PDE7A: variants seen among roughly 807,000 people sequenced by gnomAD.
PDE7A encodes the protein high affinity 3',5'-cyclic-AMP phosphodiesterase 7A.
A neutral mutation model predicts 64.3 loss-of-function variants in PDE7A; 39 were observed. That is an observed-to-expected ratio of 0.61 (90% confidence interval 0.47 to 0.79). The LOEUF (loss-of-function observed/expected upper bound fraction) is 0.79, where lower values mean the gene tolerates loss of function less well. PDE7A is among the 30% of genes least tolerant of loss of function. The pLI, the probability that PDE7A is intolerant of heterozygous loss-of-function variation, is 0.00. For synonymous variants in PDE7A, 203 were observed against 206.8 expected, an observed-to-expected ratio of 0.98 and a Z score of 0.16; for missense variants, 470 against 582.8, an observed-to-expected ratio of 0.81 and a Z score of 1.99.
intron 1 of PDE7A, among the ~76,000 whole-genome samples, chr8:65,837,029 C>A (rs1290443628): frequency 6.6e-6 from 1 of 152,218 alleles, no homozygotes; most frequent in Admixed American, 6.5e-5. Context: ...TTTAGGCATA[C>A]ATGCCTTATC....
At chr8:65,757,366 T>C (rs1808281482) in intron 3 of PDE7A, among the ~76,000 whole-genome samples, 1 of 152,124 alleles carries the variant, frequency 6.6e-6, no homozygotes, top group Non-Finnish European at 1.5e-5. Flanking sequence ...CATCCCCTGG[T>C]TTTCATACAT....
intron 1 of PDE7A, among the ~76,000 whole-genome samples, chr8:65,784,266 T>C (rs575405252): frequency 1.3e-5 from 2 of 152,022 alleles, no homozygotes; most frequent in African/African-American, 4.8e-5. Flanking sequence ...TAGTGTGACA[T>C]TGCAAAGAAA....
intron 1 of PDE7A, among the ~76,000 whole-genome samples, chr8:65,831,323 A>G (rs1429881799): frequency 3.3e-5 from 5 of 152,162 alleles, no homozygotes; most frequent in Non-Finnish European, 5.9e-5. Context: ...TTGTTTTTGA[A>G]AGAAGAAAGA....
At chr8:65,832,133 T>C (rs1446261621) in intron 1 of PDE7A, among the ~76,000 whole-genome samples, 1 of 152,222 alleles carries the variant, frequency 6.6e-6, no homozygotes, top group African/African-American at 2.4e-5. Flanking sequence ...ATTTCTTCCA[T>C]GTGATTAAAG....
Position 65,719,367 on chromosome 8 carries a change from G to C in PDE7A, c.1372C>G (p.Gln458Glu), listed in dbSNP as rs373589641. The C allele has an allele frequency of 6.2e-7, 1 of 1,613,898 alleles. No individual in the cohort carries two copies. Among genetic ancestry groups the C allele is most frequent in the Non-Finnish European group, 8.5e-7 (1 of 1,179,878 alleles). Reference sequence around the variant, plus strand: ...GCATCAGTGTCCTCACTGCTCGACTGTTCTCTCTGCAGTCCCTTCCAGCTG... The same window carrying C: ...GCATCAGTGTCCTCACTGCTCGACTCTTCTCTCTGCAGTCCCTTCCAGCTG... ...KASWKGLQRE[Q>E]SSSEDTDAAF... is the part of the protein sequence containing the mutation. Residue 458 changes from glutamine to glutamate, a missense_variant, in exon 13 of 13, where the codon CAG becomes GAG. Coordinates refer to ENST00000401827, the MANE Select transcript of PDE7A (RefSeq NM_001242318.3).
intron 1 of PDE7A, among the ~76,000 whole-genome samples, chr8:65,806,193 G>A (rs1285667170): frequency 6.6e-6 from 1 of 152,132 alleles, no homozygotes; most frequent in Admixed American, 6.5e-5. Context: ...ACAATCATTT[G>A]AAGTAAATGC....
rs1806234902 is a variant in PDE7A at position 65,718,467 on chromosome 8, A to G, written c.*823T>C. ...CACCTTTTTCTCGCATGTGCAGGTC[A>G]AGTGTACAGTAGTGAAAACAACATG... On this transcript the variant is annotated 3_prime_UTR_variant, in exon 13 of 13. Transcript: ENST00000401827. 6.6e-6 allele frequency: 1 copy of G among 152,238 alleles called. No homozygotes were observed. The highest frequency in any genetic ancestry group is 1.5e-5 in the Non-Finnish European group (1 of 68,052). The allele number at this position is 152,238 out of a possible 1,614,324, so 9.4% of individuals were successfully genotyped here. A position where few individuals can be genotyped will look rare whatever the true frequency, so the allele number is the denominator to read the frequency against.
At chr8:65,789,964 G>A (rs550572334) in intron 1 of PDE7A, among the ~76,000 whole-genome samples, 10 of 152,332 alleles carry the variant, frequency 6.6e-5, no homozygotes, top group African/African-American at 2.4e-4. Context: ...TAACAAATGC[G>A]ATGAAGCAGA....
At chr8:65,831,282 C>T (rs1028868025) in intron 1 of PDE7A, among the ~76,000 whole-genome samples, 2 of 152,128 alleles carry the variant, frequency 1.3e-5, no homozygotes, top group Admixed American at 1.3e-4. Context: ...TCGAAGTAAA[C>T]TTATCTACCC....
At position 65,718,208 on chromosome 8, in the gene PDE7A, TA is replaced by T. The variant is rs1440955601; in HGVS notation, c.*1081del. The T allele has an allele frequency of 6.6e-6, 1 of 152,140 alleles. No homozygotes were observed. Among genetic ancestry groups the T allele is most frequent in the Non-Finnish European group, 1.5e-5 (1 of 68,046 alleles). 9.4% of individuals were successfully genotyped at this position (152,140 alleles called of 1,614,324 possible). A position where few individuals can be genotyped will look rare whatever the true frequency, so the allele number is the denominator to read the frequency against. ...CTCATTATGTCACATTCTAAAATAA[TA>T]AATAAAAGCTTACATTTCAAATCTT... On this transcript the variant is annotated 3_prime_UTR_variant, in exon 13 of 13. Transcript: ENST00000401827.
chr8:65,772,009 G>A (rs16932340), intron 3 of PDE7A, among the ~76,000 whole-genome samples: 3,581 of 152,066 alleles, frequency 0.024, 64 homozygotes, highest in African/African-American at 0.055. Flanking sequence ...CTGGTTCAAG[G>A]AGAATAAGAG....
In PDE7A at chr8:65,842,036, G is replaced by A. The variant is rs1034894681; in HGVS notation, c.-528C>T. ...CTCCCCCGGAGCCTGACTTCACTCC[G>A]CCGCCGGCGCGAGCCCGGCGTAATT... On this transcript the variant is annotated 5_prime_UTR_variant, in exon 1 of 13. Coordinates refer to ENST00000401827, the MANE Select transcript of PDE7A (RefSeq NM_001242318.3). 1.5e-5 allele frequency: 3 copies of A among 202,752 alleles called. No individual in the cohort carries two copies. Among genetic ancestry groups the A allele is most frequent in the South Asian group, 1.5e-4 (2 of 13,504 alleles). The allele number at this position is 202,752 out of a possible 1,614,324, so 12.6% of individuals were successfully genotyped here.
At chr8:65,738,485 C>T (rs976930112) in intron 6 of PDE7A, among the ~76,000 whole-genome samples, 2 of 152,180 alleles carry the variant, frequency 1.3e-5, no homozygotes, top group African/African-American at 4.8e-5. Context: ...TCAGGTAGAA[C>T]CAACTAGGAG....
rs762379703 is a variant in PDE7A, at chr8:65,804,540, C to CTT, written c.139-21699_139-21698dup. Among the ~76,000 whole-genome samples, 579 of 113,018 alleles carry CTT rather than the reference C, an allele frequency of 5.1e-3. 16 individuals are homozygous for CTT. The highest frequency in any genetic ancestry group is 0.015 in the African/African-American group (487 of 32,372). The allele number at this position is 113,018 out of a possible 152,430, so 74.1% of individuals were successfully genotyped here. ...GAAAGCTGAAAGTTTCATTTTGTTG[C>CTT]TTTTTTTTTTTTTTTTTTTGAAGAC... On this transcript the variant is annotated intron_variant, in intron 1 of 12. Transcript: ENST00000401827.
chr8:65,784,729 A>T (rs1157120982), intron 1 of PDE7A, among the ~76,000 whole-genome samples: 1 of 148,152 alleles, frequency 6.7e-6, no homozygotes, highest in African/African-American at 2.5e-5. Context: ...TCCTCCCACC[A>T]AAAAAAAAAA....
intron 1 of PDE7A, among the ~76,000 whole-genome samples, chr8:65,828,035 T>C (rs1486974792): frequency 6.6e-6 from 1 of 152,168 alleles, no homozygotes; most frequent in Non-Finnish European, 1.5e-5. Flanking sequence ...CCTCAGTCTC[T>C]TCATAACTTA....
At chr8:65,825,232 T>C (rs1048158715) in intron 1 of PDE7A, among the ~76,000 whole-genome samples, 4 of 152,226 alleles carry the variant, frequency 2.6e-5, no homozygotes, top group Non-Finnish European at 5.9e-5. Flanking sequence ...CCATGTATTT[T>C]ATAACAAGCA....
intron 3 of PDE7A, among the ~76,000 whole-genome samples, chr8:65,750,316 C>A (rs944816437): frequency 2.0e-5 from 3 of 152,044 alleles, no homozygotes; most frequent in Non-Finnish European, 4.4e-5. Flanking sequence ...AAAAAATAAC[C>A]TAAAGCAGAG....
rs73690900 is a variant in PDE7A at position 65,742,605 on chromosome 8, C to A, written c.499+2802G>T. On this transcript the variant is annotated intron_variant, in intron 5 of 12. Coordinates refer to ENST00000401827, the MANE Select transcript of PDE7A (RefSeq NM_001242318.3). Reference sequence around the variant, plus strand: ...GAAGGGAAAACTATACACTTGGATACCATGAATGTATGTTATCCAGAATTC... The same window carrying A: ...GAAGGGAAAACTATACACTTGGATAACATGAATGTATGTTATCCAGAATTC... Among the ~76,000 whole-genome samples the A allele has an allele frequency of 7.5e-3, 1,140 of 152,236 alleles. 6 individuals are homozygous for A. The highest frequency in any genetic ancestry group is 0.025 in the African/African-American group (1,030 of 41,520).
Sources: gnomAD v4.1 joint callset for allele counts (sites outside exome capture counted in the v4.1 genomes callset) on GRCh38, gnomAD v4.1.1 for gene constraint, MANE v1.5 for transcripts, NCBI Gene and HGNC (gene_info 2026-07-23, HGNC 2026-07-21) for gene names.